TMEM132C: variants seen among roughly 807,000 people sequenced by gnomAD.
TMEM132C encodes the protein transmembrane protein 132C, also known as protein phosphatase 1, regulatory subunit 152.
In TMEM132C, 29 loss-of-function variants were observed where a neutral mutation model predicts 61.4. That is an observed-to-expected ratio of 0.47 (90% CI 0.35 to 0.64). The LOEUF is 0.64. TMEM132C is among the 30% of genes least tolerant of loss of function. The pLI is 0.00. For missense variants in TMEM132C, 1,408 were observed against 1,476.9 expected (o/e 0.95, Z 0.76); for synonymous variants, 656 against 633.1 (o/e 1.04, Z -0.54).
chr12:128,691,334 A>C (rs1954717835), intron 5 of TMEM132C, among the ~76,000 whole-genome samples: 1 of 152,204 alleles, frequency 6.6e-6, no homozygotes, highest in African/African-American at 2.4e-5. Flanking sequence ...TCAGTCTCTC[A>C]CTGCATCGTC....
At chr12:128,474,432 A>G (rs1481919501) in intron 2 of TMEM132C, among the ~76,000 whole-genome samples, 12 of 152,200 alleles carry the variant, frequency 7.9e-5, no homozygotes, top group Non-Finnish European at 1.5e-5. Context: ...AAACTCCAGA[A>G]AAACATCACA....
chr12:128,612,196 C>T (rs1276160089), intron 3 of TMEM132C, among the ~76,000 whole-genome samples: 1 of 152,190 alleles, frequency 6.6e-6, no homozygotes, highest in Non-Finnish European at 1.5e-5. Flanking sequence ...TGCTCTATCA[C>T]ACACATTCCC....
rs368265598 is a variant in TMEM132C at position 128,515,125 on chromosome 12, G to A, written c.975-28832G>A. On this transcript the variant is annotated intron_variant, in intron 2 of 8. Coordinates refer to ENST00000435159, the MANE Select transcript of TMEM132C (RefSeq NM_001136103.3). ...ATAATCTTTCATAGTGGACTTCATC[G>A]GTCAGCTAACCAGCAGCCATCATGA... Among the ~76,000 whole-genome samples, 14 of 152,154 alleles carry A rather than the reference G, an allele frequency of 9.2e-5. No individual in the cohort carries two copies. In the East Asian group the frequency reaches 1.3e-3, roughly 15 times the overall value.
intron 8 of TMEM132C, among the ~76,000 whole-genome samples, chr12:128,699,907 C>G (rs1954792314): frequency 6.6e-6 from 1 of 152,192 alleles, no homozygotes; most frequent in Non-Finnish European, 1.5e-5. Context: ...CTGGCTTCTT[C>G]AAGTCTTCTT....
At chr12:128,354,983 C>A (rs1025680422) in intron 1 of TMEM132C, among the ~76,000 whole-genome samples, 2 of 152,182 alleles carry the variant, frequency 1.3e-5, no homozygotes, top group Non-Finnish European at 2.9e-5. Context: ...CACTGCACAC[C>A]CCCTCTAGAG....
chr12:128,677,469 T>C (rs1954600373), intron 5 of TMEM132C, among the ~76,000 whole-genome samples: 1 of 152,124 alleles, frequency 6.6e-6, no homozygotes, highest in African/African-American at 2.4e-5. Context: ...GGAGAGGGGC[T>C]TAGGTGGGGG....
intron 2 of TMEM132C, among the ~76,000 whole-genome samples, chr12:128,429,464 A>G (rs1004820869): frequency 1.6e-4 from 24 of 152,170 alleles, no homozygotes; most frequent in African/African-American, 5.8e-4. Flanking sequence ...GTGGATCACG[A>G]ATGTGCCCGG....
intron 6 of TMEM132C, among the ~76,000 whole-genome samples, chr12:128,694,503 G>A (rs1007751842): frequency 5.9e-4 from 90 of 152,202 alleles, no homozygotes; most frequent in African/African-American, 2.1e-3. Context: ...TTGGGATTCC[G>A]GACTGTCTGT....
At chr12:128,442,311 AGT>A (rs1482818349) in intron 2 of TMEM132C, among the ~76,000 whole-genome samples, 3 of 152,218 alleles carry the variant, frequency 2.0e-5, no homozygotes, top group Non-Finnish European at 2.9e-5. Context: ...AGACAGATCC[AGT>A]GTGTGGGTTA....
At chr12:128,419,000 G>A (rs1868881672) in intron 2 of TMEM132C, among the ~76,000 whole-genome samples, 1 of 152,046 alleles carries the variant, frequency 6.6e-6, no homozygotes, top group South Asian at 2.1e-4. Flanking sequence ...TATCATCAAT[G>A]CAATGTGCAA....
chr12:128,701,281 T>C lies in TMEM132C; in HGVS notation c.2122-3809T>C, dbSNP rs1198594038. On this transcript the variant is annotated intron_variant, in intron 8 of 8. Coordinates refer to ENST00000435159, the MANE Select transcript of TMEM132C (RefSeq NM_001136103.3). ...AAAAAGCAAAGTTGATCATTGAAAG[T>C]TGAGCTAGCAGGAGCTGAATGGGCA... 4.0e-5 allele frequency among the ~76,000 whole-genome samples: 6 copies of C among 149,084 alleles called. 1 individual carries two copies. The East Asian group carries it at 1.2e-3, about 29-fold the overall frequency.
At chr12:128,595,873 C>T (rs908161328) in intron 3 of TMEM132C, among the ~76,000 whole-genome samples, 3 of 152,228 alleles carry the variant, frequency 2.0e-5, no homozygotes, top group Non-Finnish European at 4.4e-5. Context: ...TCCCCCAGAA[C>T]GTAGCCTCCC....
chr12:128,702,790 C>G (rs926404292), intron 8 of TMEM132C, among the ~76,000 whole-genome samples: 5 of 152,226 alleles, frequency 3.3e-5, no homozygotes, highest in African/African-American at 1.2e-4. Context: ...GCTGCTGTAT[C>G]TCTGGCTCAG....
intron 4 of TMEM132C, among the ~76,000 whole-genome samples, chr12:128,645,719 A>T (rs1954191379): frequency 6.6e-6 from 1 of 152,240 alleles, no homozygotes. Context: ...GGCTCAGTCC[A>T]TCAGCGTTGG....
intron 2 of TMEM132C, among the ~76,000 whole-genome samples, chr12:128,425,677 C>G (rs142084724): frequency 1.8e-4 from 27 of 152,332 alleles, no homozygotes; most frequent in African/African-American, 6.5e-4. Context: ...TCCGAAGGCT[C>G]TAGAGAAGGC....
chr12:128,452,777 T>C (rs1870220659), intron 2 of TMEM132C, among the ~76,000 whole-genome samples: 1 of 152,126 alleles, frequency 6.6e-6, no homozygotes, highest in African/African-American at 2.4e-5. Context: ...TGTCCACCGA[T>C]CCAGATCTTT....
At chr12:128,297,038 C>T (rs1027391513) in intron 1 of TMEM132C, among the ~76,000 whole-genome samples, 7 of 151,864 alleles carry the variant, frequency 4.6e-5, no homozygotes, top group African/African-American at 1.5e-4. Context: ...GCTGTAATTC[C>T]GTCAAATGGT....
chr12:128,511,784 A>G (rs1872574131), intron 2 of TMEM132C, among the ~76,000 whole-genome samples: 1 of 152,168 alleles, frequency 6.6e-6, no homozygotes, highest in Non-Finnish European at 1.5e-5. Flanking sequence ...CCCAAGGTGC[A>G]ATGTTGGTGA....
intron 2 of TMEM132C, among the ~76,000 whole-genome samples, chr12:128,485,474 G>C (rs1282852787): frequency 6.6e-6 from 1 of 152,186 alleles, no homozygotes; most frequent in African/African-American, 2.4e-5. Flanking sequence ...ACCACAGCCG[G>C]CCTCCCATTT....
Sources: gnomAD v4.1 joint callset for allele counts (sites outside exome capture counted in the v4.1 genomes callset) on GRCh38, gnomAD v4.1.1 for gene constraint, MANE v1.5 for transcripts, NCBI Gene and HGNC (gene_info 2026-07-23, HGNC 2026-07-21) for gene names.